Variants in ELMOD2 observed in about 807,000 individuals in gnomAD.
The protein encoded by ELMOD2 is ELMO domain containing 2.
A neutral mutation model predicts 41.0 loss-of-function variants in ELMOD2; 28 were observed. The ratio of observed to expected loss-of-function variants is 0.68; its 90% CI spans 0.51 to 0.94. ELMOD2 has a LOEUF of 0.94. Among genes scored for constraint, ELMOD2 ranks in the 40% least tolerant of loss-of-function variants. ELMOD2 has a pLI of 0.00. For missense variants in ELMOD2, 333 were observed against 343.1 expected, an observed-to-expected ratio of 0.97 and a Z score of 0.23; for synonymous variants, 106 against 107.2, an observed-to-expected ratio of 0.99 and a Z score of 0.07.
intron 8 of ELMOD2, among the ~76,000 whole-genome samples, chr4:140,544,495 C>CTATTTCTATTAAATATATTTAA (rs1735208073): frequency 6.6e-6 from 1 of 152,044 alleles, no homozygotes; most frequent in South Asian, 2.1e-4. Flanking sequence ...TAACACTCTT[C>CTATTTCTATTAAATATATTTAA]TATTTCTTCT....
chr4:140,543,000 G>T (rs1735156981), intron 7 of ELMOD2, among the ~76,000 whole-genome samples: 1 of 151,858 alleles, frequency 6.6e-6, no homozygotes, highest in African/African-American at 2.4e-5. Context: ...AACTGAGGTG[G>T]TTTTATTAGC....
Position 140,537,442 on chromosome 4 carries a change from G to C in ELMOD2, c.300G>C (p.Leu100=). The change falls in exon 5 of 9, where the codon CTG becomes CTC. Residue 100 remains leucine (L), a synonymous_variant. Transcript: ENST00000323570. ...AAATATGCATGAAGATGTGCTTACT[G>C]CAGATAACTGGTTATAAACAGCTGT... ...SFKICMKMCL[L]QITGYKQLYL... 1 of 1,555,734 alleles carries C rather than the reference G, an allele frequency of 6.4e-7. No individual in the cohort carries two copies. Among genetic ancestry groups the C allele is most frequent in the Non-Finnish European group, 8.6e-7 (1 of 1,157,534 alleles).
At chr4:140,534,253 G>A (rs921796495) in intron 3 of ELMOD2, among the ~76,000 whole-genome samples, 1 of 152,152 alleles carries the variant, frequency 6.6e-6, no homozygotes, top group Non-Finnish European at 1.5e-5. Flanking sequence ...GTGGATATGA[G>A]TAAGAATGTG....
chr4:140,526,928 A>G (rs1201065312), intron 2 of ELMOD2: 1 of 152,238 alleles, frequency 6.6e-6, no homozygotes, highest in Non-Finnish European at 1.5e-5. Flanking sequence ...AAAATTTTTT[A>G]AATAGACCAA....
intron 8 of ELMOD2, among the ~76,000 whole-genome samples, chr4:140,546,777 C>A (rs2110881505): frequency 6.6e-6 from 1 of 152,170 alleles, no homozygotes; most frequent in East Asian, 1.9e-4. Context: ...TGTTGCTCTC[C>A]AGCACCCTGA....
chr4:140,525,580 T>C lies in ELMOD2; in HGVS notation c.142+10T>C. 6.3e-7 allele frequency: 1 copy of C among 1,587,324 alleles called. No homozygotes were observed. The highest frequency in any genetic ancestry group is 8.5e-7 in the Non-Finnish European group (1 of 1,172,270). On this transcript the variant is annotated intron_variant, in intron 2 of 8. Coordinates refer to ENST00000323570, the MANE Select transcript of ELMOD2 (RefSeq NM_153702.4). ...AGGACACACAGGATAGGTAATGTTA[T>C]TCAAAAAGAAAAAGTACTAATAAAA...
intron 8 of ELMOD2, among the ~76,000 whole-genome samples, chr4:140,545,715 C>G (rs1004855363): frequency 6.6e-6 from 1 of 150,770 alleles, no homozygotes; most frequent in Non-Finnish European, 1.5e-5. Context: ...TAACTTGCCT[C>G]TAATTTTTTT....
rs181988958 is a variant in ELMOD2 at position 140,533,631 on chromosome 4, A to G, written c.172-2102A>G. Among the ~76,000 whole-genome samples, 4 of 152,340 alleles carry G rather than the reference A, an allele frequency of 2.6e-5. No homozygotes were observed. The East Asian group carries it at 7.7e-4, about 29-fold the overall frequency. ...AAAAATTGAAAAGTTAAACTTCATC[A>G]AAATAAAACTGCTTATCAATGATAC... is the stretch of plus-strand genomic sequence containing the variant. On this transcript the variant is annotated intron_variant, in intron 3 of 8. Transcript: ENST00000323570.
intron 3 of ELMOD2, among the ~76,000 whole-genome samples, chr4:140,531,821 A>G (rs1734757388): frequency 6.6e-6 from 1 of 152,230 alleles, no homozygotes; most frequent in African/African-American, 2.4e-5. Flanking sequence ...AAACTAACAC[A>G]AAAAGAGATT....
chr4:140,549,060 C>CA (rs1378012043), intron 8 of ELMOD2, among the ~76,000 whole-genome samples: 1 of 151,994 alleles, frequency 6.6e-6, no homozygotes, highest in South Asian at 2.1e-4. Context: ...TGCTCCTCCC[C>CA]CCACCATCCT....
intron 3 of ELMOD2, among the ~76,000 whole-genome samples, chr4:140,535,265 G>T (rs1337671087): frequency 1.3e-5 from 2 of 151,612 alleles, no homozygotes; most frequent in East Asian, 3.9e-4. Context: ...CTGTTCTTCA[G>T]TATGCACAGT....
chr4:140,546,350 T>TGGGGGGGG (rs1735282144), intron 8 of ELMOD2, among the ~76,000 whole-genome samples: 2 of 147,616 alleles, frequency 1.4e-5, no homozygotes, highest in Non-Finnish European at 3.0e-5. Flanking sequence ...GTTGGGGGAG[T>TGGGGGGGG]GGGGAGGGTT....
At chr4:140,546,506 G>A (rs1022278723) in intron 8 of ELMOD2, among the ~76,000 whole-genome samples, 1 of 150,050 alleles carries the variant, frequency 6.7e-6, no homozygotes, top group African/African-American at 2.5e-5. Context: ...ATAAATAAAT[G>A]TAAAGAGACT....
At position 140,529,727 on chromosome 4, in the gene ELMOD2, C is replaced by CT. The variant is rs1281989444; in HGVS notation, c.171+2235dup. Among the ~76,000 whole-genome samples, 3 of 152,150 alleles carry CT rather than the reference C, an allele frequency of 2.0e-5. No individual in the cohort carries two copies. In the East Asian group the frequency reaches 5.8e-4, roughly 29 times the overall value. On this transcript the variant is annotated intron_variant, in intron 3 of 8. Coordinates refer to ENST00000323570, the MANE Select transcript of ELMOD2 (RefSeq NM_153702.4). The stretch of plus-strand genomic sequence containing the variant: ...AGAATTATCTTCTCCCGCTTAAAAG[C>CT]TTAGCTCACTTCCTCATTTTCAGGT...
At chr4:140,542,724 G>T in intron 7 of ELMOD2, 82 bp downstream of exon 7, 2 of 1,011,636 alleles carry the variant, frequency 2.0e-6, no homozygotes, top group East Asian at 5.3e-5. Context: ...GGTATATCAA[G>T]GTATTTCTTA....
intron 5 of ELMOD2, among the ~76,000 whole-genome samples, chr4:140,538,798 G>A (rs1402912444): frequency 2.6e-5 from 4 of 152,182 alleles, no homozygotes; most frequent in South Asian, 2.1e-4. Flanking sequence ...CTTTACTAGC[G>A]TTAAATAGCA....
intron 3 of ELMOD2, chr4:140,528,076 G>A (rs185684245): frequency 2.6e-5 from 4 of 152,250 alleles, no homozygotes; most frequent in African/African-American, 9.6e-5. Context: ...ACAGGTATCT[G>A]GTGAATGTTT....
At chr4:140,546,251 TTG>T (rs1735276601) in intron 8 of ELMOD2, among the ~76,000 whole-genome samples, 2 of 151,808 alleles carry the variant, frequency 1.3e-5, no homozygotes, top group Non-Finnish European at 2.9e-5. Context: ...AAACCAAACA[TTG>T]CATGTTATCA....
chr4:140,550,422 A>G lies in ELMOD2; in HGVS notation c.*47A>G. 2 of 1,526,780 alleles carry G rather than the reference A, an allele frequency of 1.3e-6. No individual in the cohort carries two copies. The highest frequency in any genetic ancestry group is 1.8e-6 in the Non-Finnish European group (2 of 1,130,914). 94.6% of individuals were successfully genotyped at this position (1,526,780 alleles called of 1,614,324 possible). ...TTCTACCACATTTTGCACATTCAAC[A>G]GAATTTATATGTTGTAATAGGAATT... On this transcript the variant is annotated 3_prime_UTR_variant, in exon 9 of 9. Transcript: ENST00000323570.
Sources: gnomAD v4.1 joint callset for allele counts (sites outside exome capture counted in the v4.1 genomes callset) on GRCh38, gnomAD v4.1.1 for gene constraint, MANE v1.5 for transcripts, NCBI Gene and HGNC (gene_info 2026-07-23, HGNC 2026-07-21) for gene names.